MAML3: variants seen among roughly 807,000 people sequenced by gnomAD.
MAML3 encodes mastermind-like protein 3.
In MAML3, 27 loss-of-function variants were observed where a neutral mutation model predicts 101.9. The ratio of observed to expected loss-of-function variants is 0.27; its 90% confidence interval spans 0.20 to 0.37. The LOEUF (loss-of-function observed/expected upper bound fraction) is 0.37, where lower values mean the gene tolerates loss of function less well. Ranked by LOEUF, MAML3 falls within the 10% of genes least tolerant of loss-of-function variation. MAML3 has a pLI of 1.00. For missense variants in MAML3, 1,316 were observed against 1,444.9 expected (o/e 0.91, Z 1.45); for synonymous variants, 501 against 555.9 (o/e 0.90, Z 1.39).
At chr4:139,986,978 T>C (rs1161021889) in intron 1 of MAML3, among the ~76,000 whole-genome samples, 1 of 152,176 alleles carries the variant, frequency 6.6e-6, no homozygotes, top group Non-Finnish European at 1.5e-5. Flanking sequence ...AGACCAGTAA[T>C]GATACCAATC....
intron 1 of MAML3, among the ~76,000 whole-genome samples, chr4:139,930,963 C>T (rs552104749): frequency 6.6e-6 from 1 of 151,962 alleles, no homozygotes; most frequent in Non-Finnish European, 1.5e-5. Flanking sequence ...GCTATAGGTA[C>T]ATTTTTCGTT....
At chr4:139,742,013 A>G (rs1729181471) in intron 2 of MAML3, among the ~76,000 whole-genome samples, 1 of 152,194 alleles carries the variant, frequency 6.6e-6, no homozygotes, top group Admixed American at 6.5e-5. Context: ...TAAGTTTTAG[A>G]AAGAATATAG....
intron 1 of MAML3, among the ~76,000 whole-genome samples, chr4:139,997,012 G>A (rs550323415): frequency 7.3e-5 from 11 of 151,634 alleles, no homozygotes; most frequent in East Asian, 1.9e-4. Flanking sequence ...AGCCAAGATC[G>A]CGCCACTGCA....
intron 1 of MAML3, among the ~76,000 whole-genome samples, chr4:139,900,508 T>C (rs908226052): frequency 1.3e-5 from 2 of 152,204 alleles, no homozygotes; most frequent in African/African-American, 4.8e-5. Context: ...TCCAAATACA[T>C]AAATGTTTTT....
chr4:140,060,380 A>AAAAAAAAAAAAAAAAAAAAAAAAAC (rs1727425700), intron 1 of MAML3, among the ~76,000 whole-genome samples: 2 of 147,902 alleles, frequency 1.4e-5, no homozygotes, highest in Non-Finnish European at 3.0e-5. Flanking sequence ...AAAAAAAAAA[A>AAAAAAAAAAAAAAAAAAAAAAAAAC]AAAAAGTCAC....
At chr4:139,942,723 G>A (rs777380060) in intron 1 of MAML3, among the ~76,000 whole-genome samples, 2 of 151,578 alleles carry the variant, frequency 1.3e-5, no homozygotes, top group African/African-American at 2.4e-5. Context: ...CTATGATTAG[G>A]TATATTTCTT....
chr4:140,102,253 C>T (rs190577994), intron 1 of MAML3, among the ~76,000 whole-genome samples: 1 of 152,192 alleles, frequency 6.6e-6, no homozygotes, highest in African/African-American at 2.4e-5. Context: ...GATTTCTAGC[C>T]CCATCTTCAA....
At chr4:140,138,276 A>G (rs762436229) in intron 1 of MAML3, among the ~76,000 whole-genome samples, 22 of 152,192 alleles carry the variant, frequency 1.4e-4, no homozygotes, top group Non-Finnish European at 2.9e-5. Context: ...TATTCCTTCA[A>G]TAGGTTCTAA....
rs1560910655 is a variant in MAML3 at position 140,153,202 on chromosome 4, A to G, written c.126T>C (p.Ala42=). The G allele has an allele frequency of 1.3e-6, 2 of 1,557,510 alleles. No homozygotes were observed. Among genetic ancestry groups the G allele is most frequent in the Non-Finnish European group, 1.7e-6 (2 of 1,150,290 alleles). The change falls in exon 1 of 5, where the codon GCT becomes GCC. Residue 42 remains alanine (A), a synonymous_variant. Transcript: ENST00000509479. ...GVNNTPNSTP[A]APSSNHPAAG... is the part of the protein sequence containing the mutation. Reference sequence around the variant, plus strand: ...CTGCCGGGTGATTGCTACTCGGAGCAGCGGGAGTACTATTGGGAGTATTAT... The same window carrying G: ...CTGCCGGGTGATTGCTACTCGGAGCGGCGGGAGTACTATTGGGAGTATTAT...
chr4:139,991,583 T>C (rs1330119973), intron 1 of MAML3, among the ~76,000 whole-genome samples: 4 of 152,218 alleles, frequency 2.6e-5, no homozygotes, highest in Non-Finnish European at 5.9e-5. Context: ...ATTTCCAACA[T>C]AAATCTTGTT....
chr4:139,889,936 C>T lies in MAML3; in HGVS notation c.1500G>A (p.Gln500=), dbSNP rs553194721. The change falls in exon 2 of 5, where the codon CAG becomes CAA. Residue 500 remains glutamine, a synonymous_variant. Coordinates refer to ENST00000509479, the MANE Select transcript of MAML3 (RefSeq NM_018717.5). Reference sequence around the variant, plus strand: ...GCTGCTGCTGCTGCTGCTGCTGCTGCTGCTGCTGCTGCTGCTGCTGCTGCT... The same window carrying T: ...GCTGCTGCTGCTGCTGCTGCTGCTGTTGCTGCTGCTGCTGCTGCTGCTGCT... ...QQQQQQQQQQ[Q]QQQQQQQQQQ... The T allele has an allele frequency of 6.2e-4, 128 of 205,952 alleles. 4 individuals carry two copies. Among genetic ancestry groups the T allele is most frequent in the African/African-American group, 2.3e-3 (49 of 21,628 alleles). The allele number at this position is 205,952 out of a possible 1,614,324, so 12.8% of individuals were successfully genotyped here. A position where few individuals can be genotyped will look rare whatever the true frequency, so the allele number is the denominator to read the frequency against.
intron 1 of MAML3, among the ~76,000 whole-genome samples, chr4:139,913,403 C>G (rs947556283): frequency 5.3e-5 from 8 of 152,174 alleles, no homozygotes; most frequent in Non-Finnish European, 8.8e-5. Flanking sequence ...TTTAAAATTT[C>G]TAAATCTGTC....
At chr4:139,965,520 T>C (rs1375867380) in intron 1 of MAML3, among the ~76,000 whole-genome samples, 4 of 152,234 alleles carry the variant, frequency 2.6e-5, no homozygotes, top group African/African-American at 9.6e-5. Context: ...ATATCTGAAC[T>C]GCTTTGCTTC....
At chr4:139,867,103 G>T (rs994520374) in intron 2 of MAML3, among the ~76,000 whole-genome samples, 1 of 152,218 alleles carries the variant, frequency 6.6e-6, no homozygotes, top group Non-Finnish European at 1.5e-5. Context: ...AATGGAATCC[G>T]ATTTTAATGA....
chr4:139,948,865 C>A lies in MAML3; in HGVS notation c.469-57898G>T, dbSNP rs116271264. 5.5e-3 allele frequency among the ~76,000 whole-genome samples: 832 copies of A among 152,260 alleles called. 8 individuals carry two copies. Among genetic ancestry groups the A allele is most frequent in the African/African-American group, 0.018 (738 of 41,540 alleles). On this transcript the variant is annotated intron_variant, in intron 1 of 4. Transcript: ENST00000509479. ...TTGTACGTGTGAGAAAACCGAGGCA[C>A]AGGTAAGAGAGGTAATACACTAGTA... is the stretch of plus-strand genomic sequence containing the variant.
At chr4:140,110,793 G>A (rs1474811927) in intron 1 of MAML3, among the ~76,000 whole-genome samples, 1 of 152,144 alleles carries the variant, frequency 6.6e-6, no homozygotes, top group Non-Finnish European at 1.5e-5. Context: ...CATTTCCACA[G>A]GAACAAAATC....
intron 2 of MAML3, among the ~76,000 whole-genome samples, chr4:139,838,580 A>G (rs1321753382): frequency 6.6e-6 from 1 of 152,104 alleles, no homozygotes; most frequent in Admixed American, 6.5e-5. Flanking sequence ...GAGATTCTGA[A>G]AGTGTTGCTG....
At chr4:139,784,948 G>A (rs1000524071) in intron 2 of MAML3, among the ~76,000 whole-genome samples, 1 of 152,196 alleles carries the variant, frequency 6.6e-6, no homozygotes, top group Non-Finnish European at 1.5e-5. Flanking sequence ...TGGGAGGGTG[G>A]AAAGAAGGTA....
intron 2 of MAML3, among the ~76,000 whole-genome samples, chr4:139,751,173 C>A (rs569628624): frequency 6.6e-6 from 1 of 152,324 alleles, no homozygotes; most frequent in Non-Finnish European, 1.5e-5. Flanking sequence ...TCCCATGTCC[C>A]TGTCTAAATA....
Sources: allele counts gnomAD v4.1 joint callset (sites outside exome capture counted in the v4.1 genomes callset), GRCh38; gene constraint gnomAD v4.1.1; transcripts MANE v1.5; gene names NCBI Gene and HGNC (gene_info 2026-07-23, HGNC 2026-07-21).